Variants in NSG2 observed in about 807,000 individuals in gnomAD.
NSG2 encodes neuronal vesicle trafficking associated 2.
A neutral mutation model predicts 16.9 loss-of-function variants in NSG2; 4 were observed. That is an observed-to-expected ratio of 0.24 (90% CI 0.12 to 0.54). The LOEUF (loss-of-function observed/expected upper bound fraction) is 0.54, where lower values mean the gene tolerates loss of function less well. Among genes scored for constraint, NSG2 ranks in the 20% least tolerant of loss-of-function variants. NSG2 has a pLI of 0.95. For missense variants in NSG2, 179 were observed against 221.1 expected (o/e 0.81, Z 1.21); for synonymous variants, 98 against 88.7 (o/e 1.11, Z -0.59).
chr5:174,083,663 G>T (rs1428679722), intron 3 of NSG2, among the ~76,000 whole-genome samples: 1 of 152,180 alleles, frequency 6.6e-6, no homozygotes, highest in Non-Finnish European at 1.5e-5. Context: ...AGCTGGTTGG[G>T]CAGCTGCTTG....
At chr5:174,083,055 A>C (rs564145519) in intron 3 of NSG2, among the ~76,000 whole-genome samples, 13 of 152,208 alleles carry the variant, frequency 8.5e-5, no homozygotes, top group African/African-American at 2.6e-4. Context: ...GGCCACTCCA[A>C]CGTCCACACC....
Position 174,064,253 on chromosome 5 carries a change from G to A in NSG2, c.151G>A (p.Glu51Lys), listed in dbSNP as rs1346960255. ...PEKVIVKTRTEYQPEQKNKGK... is the reference protein window; with the variant it reads ...PEKVIVKTRTKYQPEQKNKGK... The stretch of plus-strand genomic sequence containing the variant: ...TCAGGTGATTGTGAAGACAAGAACG[G>A]AATATCAGCCGGAACAGAAGAACAA... Residue 51 changes from glutamate to lysine, a missense_variant, in exon 3 of 5, where the codon GAA becomes AAA. Glu to Lys is a moderately conservative substitution (Grantham distance 56). Transcript: ENST00000303177. 1.2e-6 allele frequency: 2 copies of A among 1,611,014 alleles called. No individual in the cohort carries two copies. The highest frequency in any genetic ancestry group is 1.7e-6 in the Non-Finnish European group (2 of 1,178,018).
At chr5:174,071,366 G>C (rs1014426959) in intron 3 of NSG2, among the ~76,000 whole-genome samples, 16 of 152,112 alleles carry the variant, frequency 1.1e-4, no homozygotes, top group African/African-American at 2.4e-5. Context: ...CGCACCTATA[G>C]GTCCCAGCTA....
intron 3 of NSG2, among the ~76,000 whole-genome samples, chr5:174,084,435 C>T (rs145677892): frequency 5.3e-5 from 8 of 152,330 alleles, no homozygotes; most frequent in African/African-American, 1.7e-4. Context: ...CTCAGGGCCT[C>T]GGGCCTCAAG....
At chr5:174,101,054 C>G (rs1257067889) in intron 3 of NSG2, among the ~76,000 whole-genome samples, 2 of 152,220 alleles carry the variant, frequency 1.3e-5, no homozygotes, top group Non-Finnish European at 2.9e-5. Context: ...AGGCTCTGAA[C>G]TCCCTCCTGA....
Position 174,080,509 on chromosome 5 carries a change from TTCCC to T in NSG2, c.213+16197_213+16200del, listed in dbSNP as rs201005824. Among the ~76,000 whole-genome samples, 117 of 113,256 alleles carry T rather than the reference TTCCC, an allele frequency of 1.0e-3. No individual in the cohort carries two copies. In the South Asian group the frequency reaches 0.015, roughly 14 times the overall value. The allele number at this position is 113,256 out of a possible 152,430, so 74.3% of individuals were successfully genotyped here. On this transcript the variant is annotated intron_variant, in intron 3 of 4. Coordinates refer to ENST00000303177, the MANE Select transcript of NSG2 (RefSeq NM_015980.5). ...TTTCTTTCTTTCCCTCTTTCTTTCTTTCCCTCTTTCTTTCTTTCTCTCTCTCTCT... is the reference window on the plus strand; with the variant it reads ...TTTCTTTCTTTCCCTCTTTCTTTCTTTCTTTCTTTCTTTCTCTCTCTCTCT...
chr5:174,068,369 T>C (rs564836019), intron 3 of NSG2, among the ~76,000 whole-genome samples: 1 of 152,326 alleles, frequency 6.6e-6, no homozygotes, highest in South Asian at 2.1e-4. Flanking sequence ...GGCCACAGAC[T>C]TGAAATATTT....
chr5:174,066,302 A>G (rs1280489101), intron 3 of NSG2: 1 of 455,564 alleles, frequency 2.2e-6, no homozygotes, highest in South Asian at 1.5e-5. Flanking sequence ...ATGAGCACAG[A>G]GCTTGCAGGA....
rs919358409 is a variant in NSG2, at chr5:174,045,706, A to C, written c.-160A>C. On this transcript the variant is annotated 5_prime_UTR_variant, in exon 1 of 5. Transcript: ENST00000303177. ...TCCCTGCTCGCTCACGCCTGCTCTC[A>C]GAAGCTCCGATCCAGACACACGCGA... 1 of 152,398 alleles carries C rather than the reference A, an allele frequency of 6.6e-6. No homozygotes were observed. The highest frequency in any genetic ancestry group is 1.5e-5 in the Non-Finnish European group (1 of 68,048). 9.4% of individuals were successfully genotyped at this position (152,398 alleles called of 1,614,324 possible). A position where few individuals can be genotyped will look rare whatever the true frequency, so the allele number is the denominator to read the frequency against.
At chr5:174,065,282 C>G (rs563474730) in intron 3 of NSG2, among the ~76,000 whole-genome samples, 2 of 150,602 alleles carry the variant, frequency 1.3e-5, no homozygotes, top group South Asian at 4.2e-4. Flanking sequence ...GAGCCAAGAT[C>G]GCACCACTGC....
At chr5:174,054,981 G>A (rs1759944898) in intron 2 of NSG2, among the ~76,000 whole-genome samples, 1 of 152,226 alleles carries the variant, frequency 6.6e-6, no homozygotes, top group African/African-American at 2.4e-5. Context: ...GTTTATCATA[G>A]TGTCTAGTAC....
chr5:174,090,181 A>T (rs913959652), intron 3 of NSG2, among the ~76,000 whole-genome samples: 1 of 152,146 alleles, frequency 6.6e-6, no homozygotes, highest in Non-Finnish European at 1.5e-5. Flanking sequence ...ATATGGCTGT[A>T]TGCATGGCTG....
At chr5:174,104,410 C>A in intron 4 of NSG2, 72 bp downstream of exon 4, 10 of 1,063,004 alleles carry the variant, frequency 9.4e-6, no homozygotes, top group Non-Finnish European at 1.0e-5. Context: ...CTTCTCTTCA[C>A]TGGTGTCCAA....
chr5:174,089,365 A>G (rs1394416347), intron 3 of NSG2, among the ~76,000 whole-genome samples: 2 of 152,098 alleles, frequency 1.3e-5, no homozygotes, highest in Non-Finnish European at 2.9e-5. Context: ...TCCAAAGTGT[A>G]CGCCGCCACC....
chr5:174,087,836 C>T (rs746753816), intron 3 of NSG2, among the ~76,000 whole-genome samples: 7 of 151,888 alleles, frequency 4.6e-5, no homozygotes, highest in Non-Finnish European at 8.8e-5. Context: ...ATAACTACAT[C>T]ATGTTTTATA....
intron 3 of NSG2, among the ~76,000 whole-genome samples, chr5:174,080,523 CTT>C (rs373237154): frequency 0.011 from 1,099 of 96,578 alleles, 8 homozygotes; most frequent in East Asian, 0.026. Context: ...CTCTTTCTTT[CTT>C]TCTCTCTCTC....
chr5:174,077,508 C>T (rs933530809), intron 3 of NSG2, among the ~76,000 whole-genome samples: 2 of 152,178 alleles, frequency 1.3e-5, no homozygotes, highest in African/African-American at 4.8e-5. Context: ...ACACTGGACC[C>T]GATTTCATCT....
rs1186387600 is a variant in NSG2 at position 174,104,013 on chromosome 5, CA to C, written c.214-207del. Among the ~76,000 whole-genome samples, 9 of 151,742 alleles carry C rather than the reference CA, an allele frequency of 5.9e-5. No individual in the cohort carries two copies. The East Asian group carries it at 1.2e-3, about 20-fold the overall frequency. ...TAAACAACAACAAAAAAAACCAAAA[CA>C]AAAAAAATGGAGCTTCAGAGATTAT... On this transcript the variant is annotated intron_variant, in intron 3 of 4. Transcript: ENST00000303177.
chr5:174,064,291 G>A lies in NSG2; in HGVS notation c.189G>A (p.Arg63=). ...QPEQKNKGKF[R]VPKIAEFTVT... ...AACAGAAGAACAAAGGGAAGTTCCG[G>A]GTGCCGAAAATCGCTGAATTTACGG... Residue 63 remains arginine (R), a synonymous_variant, in exon 3 of 5, where the codon CGG becomes CGA. Transcript: ENST00000303177. 6.2e-7 allele frequency: 1 copy of A among 1,611,570 alleles called. No individual in the cohort carries two copies. The highest frequency in any genetic ancestry group is 1.1e-5 in the South Asian group (1 of 90,566).
Sources: allele counts gnomAD v4.1 joint callset (sites outside exome capture counted in the v4.1 genomes callset), GRCh38; gene constraint gnomAD v4.1.1; transcripts MANE v1.5; gene names NCBI Gene and HGNC (gene_info 2026-07-23, HGNC 2026-07-21).